The following COL6A5 variants were observed in gnomAD, a reference collection of about 807,000 sequenced individuals.
COL6A5 encodes the protein collagen type VI alpha 5 chain, also known as collagen alpha-5(VI) chain.
COL6A5 carries 48 observed loss-of-function variants against 65.6 expected under a neutral mutation model. The ratio of observed to expected loss-of-function variants is 0.73; its 90% CI spans 0.58 to 0.93. COL6A5 has a LOEUF of 0.93. COL6A5 is among the 40% of genes least tolerant of loss of function. The probability of loss-of-function intolerance (pLI) is 0.00; values close to 1 mark genes in which losing one functional copy is unlikely to be tolerated. For synonymous variants in COL6A5, 291 were observed against 322.8 expected (o/e 0.90, Z 1.05); for missense variants, 914 against 928.3 (o/e 0.98, Z 0.20).
exon 5 of COL6A5, chr3:130,385,022 A>C: frequency 6.4e-7 from 1 of 1,550,872 alleles, no homozygotes; most frequent in Non-Finnish European, 8.7e-7. Context: ...TGACTTAAGA[A>C]AGGCTATTTT....
upstream of COL6A5, among the ~76,000 whole-genome samples, chr3:130,429,737 T>C (rs542538603): frequency 6.6e-6 from 1 of 152,318 alleles, no homozygotes; most frequent in East Asian, 1.9e-4. Flanking sequence ...TAATTGTCAG[T>C]GTCATGATTG....
chr3:130,389,789 T>C (rs963864514), intron 6 of COL6A5, among the ~76,000 whole-genome samples: 2 of 152,178 alleles, frequency 1.3e-5, no homozygotes, highest in African/African-American at 4.8e-5. Flanking sequence ...TTTGAGCCTA[T>C]CAATTTTAAT....
At chr3:130,362,339 T>A (rs1184246017) in intron 1 of COL6A5, among the ~76,000 whole-genome samples, 3 of 129,990 alleles carry the variant, frequency 2.3e-5, no homozygotes, top group African/African-American at 8.4e-5. Flanking sequence ...TTTTTTTTTT[T>A]TTTTTTTTGC....
At chr3:130,460,009 C>T (rs1047531259) in intron 5 of COL6A5, among the ~76,000 whole-genome samples, 4 of 151,756 alleles carry the variant, frequency 2.6e-5, no homozygotes, top group Non-Finnish European at 5.9e-5. Flanking sequence ...TGACCATTTA[C>T]TTTTTTTTGA....
rs1055534369 is a variant in COL6A5, at chr3:130,470,771, T to G, written c.2232-100T>G. 11 of 817,290 alleles carry G rather than the reference T, an allele frequency of 1.3e-5. No homozygotes were observed. In the African/African-American group the frequency reaches 1.9e-4, roughly 14 times the overall value. The allele number at this position is 817,290 out of a possible 1,614,324, so 50.6% of individuals were successfully genotyped here. A position where few individuals can be genotyped will look rare whatever the true frequency, so the allele number is the denominator to read the frequency against. On this transcript the variant is annotated intron_variant, in intron 6 of 7. Coordinates refer to ENST00000512836, the Ensembl canonical transcript of COL6A5. ...GTGAAGTCCGTTATAAAAGTTGTTC[T>G]TGAAAACACTGCCAACCACGTGAAA...
intron 28 of COL6A5, 110 bp downstream of exon 28, chr3:130,422,892 GC>G (rs898730552): frequency 3.3e-6 from 2 of 613,874 alleles, no homozygotes; most frequent in African/African-American, 3.9e-5. Flanking sequence ...CATCTGAAAT[GC>G]CACTTGCTAG....
chr3:130,446,144 G>A lies in COL6A5; in HGVS notation c.1332+2578G>A, dbSNP rs189465030. On this transcript the variant is annotated intron_variant, in intron 4 of 7. Coordinates refer to ENST00000512836, the Ensembl canonical transcript of COL6A5. ...TAGGTGCATGTCCGAGGCACAGAGGGGGGTATTTATAACCCATGGTAACAT... is the reference window on the plus strand; with the variant it reads ...TAGGTGCATGTCCGAGGCACAGAGGAGGGTATTTATAACCCATGGTAACAT... 2.2e-4 allele frequency among the ~76,000 whole-genome samples: 34 copies of A among 152,204 alleles called. No homozygotes were observed. In the South Asian group the frequency reaches 3.3e-3, roughly 15 times the overall value.
At chr3:130,368,839 T>C (rs370932137) in intron 1 of COL6A5, among the ~76,000 whole-genome samples, 8 of 152,296 alleles carry the variant, frequency 5.3e-5, no homozygotes, top group African/African-American at 1.9e-4. Context: ...CCTCACAGTT[T>C]GTTTTGACAG....
chr3:130,412,413 T>C (rs376111856), intron 20 of COL6A5, among the ~76,000 whole-genome samples: 26 of 152,158 alleles, frequency 1.7e-4, no homozygotes, highest in African/African-American at 6.3e-4. Flanking sequence ...CTGGGTGAGG[T>C]TTATTGGGCA....
At chr3:130,460,501 G>A (rs144943060) in intron 5 of COL6A5, among the ~76,000 whole-genome samples, 11 of 152,208 alleles carry the variant, frequency 7.2e-5, no homozygotes, top group African/African-American at 2.4e-4. Context: ...TATGTTTTGT[G>A]CAATCATTTG....
rs1429821236 is a variant in COL6A5 at position 130,389,140 on chromosome 3, T to C, written c.2416+6T>C. ...TCGTGTGTGTGCTCTCCATGGTAAG[T>C]GTCCCTGTTATCTGTCAGGACTAAA... On this transcript the variant is annotated splice_donor_region_variant and intron_variant and NMD_transcript_variant, in intron 6 of 41. Coordinates refer to the COL6A5 transcript ENST00000312481. 5 of 1,411,524 alleles carry C rather than the reference T, an allele frequency of 3.5e-6. No individual in the cohort carries two copies. Among genetic ancestry groups the C allele is most frequent in the Non-Finnish European group, 4.6e-6 (5 of 1,077,628 alleles). 87.4% of individuals were successfully genotyped at this position (1,411,524 alleles called of 1,614,324 possible). A position where few individuals can be genotyped will look rare whatever the true frequency, so the allele number is the denominator to read the frequency against.
At chr3:130,446,124 G>A (rs1383043673) in intron 4 of COL6A5, among the ~76,000 whole-genome samples, 2 of 152,128 alleles carry the variant, frequency 1.3e-5, no homozygotes, top group Non-Finnish European at 2.9e-5. Flanking sequence ...ACAACTAGGT[G>A]CATGTCCGAG....
rs572487744 is a variant in COL6A5, at chr3:130,398,021, T to C, written c.3910-9T>C. On this transcript the variant is annotated splice_polypyrimidine_tract_variant and intron_variant and NMD_transcript_variant, in intron 9 of 41. Coordinates refer to the COL6A5 transcript ENST00000312481. The stretch of plus-strand genomic sequence containing the variant: ...GCTTTTACACCATACCATTTTCTTA[T>C]TTCTCCAGGTGCTGCTTATTTTTTC... 3.9e-6 allele frequency: 6 copies of C among 1,550,326 alleles called. No individual in the cohort carries two copies. In the East Asian group the frequency reaches 1.5e-4, roughly 38 times the overall value.
intron 7 of COL6A5, among the ~76,000 whole-genome samples, chr3:130,483,090 G>T (rs1309638892): frequency 6.6e-6 from 1 of 152,126 alleles, no homozygotes; most frequent in Non-Finnish European, 1.5e-5. Context: ...TTAAAGAAAA[G>T]AATTTTCAAC....
chr3:130,461,335 G>A (rs771152118), intron 5 of COL6A5, among the ~76,000 whole-genome samples: 11 of 152,106 alleles, frequency 7.2e-5, no homozygotes, highest in Non-Finnish European at 1.5e-4. Context: ...TCACTTGACT[G>A]ATGAACAATG....
At chr3:130,393,905 A>G (rs1209776876) in intron 7 of COL6A5, among the ~76,000 whole-genome samples, 1 of 152,216 alleles carries the variant, frequency 6.6e-6, no homozygotes, top group African/African-American at 2.4e-5. Flanking sequence ...GCTGACAGCT[A>G]GAAGCTGTTT....
chr3:130,435,101 T>C (rs1164744481), intron 1 of COL6A5, among the ~76,000 whole-genome samples: 1 of 152,242 alleles, frequency 6.6e-6, no homozygotes, highest in African/African-American at 2.4e-5. Flanking sequence ...TAATCCATCT[T>C]GAGTTGATTT....
At position 130,406,130 on chromosome 3, in the gene COL6A5, G is replaced by A; in HGVS notation, c.4381-1G>A. ...GATGCCTGTCTATTGTCATCTCTCA[G>A]GGAGGTCATGGAGACGATGGGATTG... On this transcript the variant is annotated splice_acceptor_variant and NMD_transcript_variant, in intron 15 of 41. Coordinates refer to the COL6A5 transcript ENST00000312481. 2 of 1,550,126 alleles carry A rather than the reference G, an allele frequency of 1.3e-6. No individual in the cohort carries two copies. The highest frequency in any genetic ancestry group is 1.7e-4 in the Middle Eastern group (1 of 5,986).
chr3:130,403,903 C>T (rs1313241266), intron 13 of COL6A5, among the ~76,000 whole-genome samples: 2 of 151,938 alleles, frequency 1.3e-5, no homozygotes, highest in Non-Finnish European at 2.9e-5. Context: ...TTTTCCTTGT[C>T]TGAATGATGA....
Sources: allele counts gnomAD v4.1 joint callset (sites outside exome capture counted in the v4.1 genomes callset), GRCh38; gene constraint gnomAD v4.1.1; transcripts MANE v1.5; gene names NCBI Gene and HGNC (gene_info 2026-07-23, HGNC 2026-07-21).